Variants in SMC5 observed in about 807,000 individuals in gnomAD.
The protein encoded by SMC5 is structural maintenance of chromosomes protein 5.
Under a neutral mutation model 148.3 loss-of-function variants are expected in SMC5, and 88 were observed. That is an observed-to-expected ratio of 0.59 (90% confidence interval 0.50 to 0.71). The LOEUF (loss-of-function observed/expected upper bound fraction) is 0.71. Ranked by LOEUF, SMC5 falls within the 30% of genes least tolerant of loss-of-function variation. SMC5 has a pLI of 0.00. For synonymous variants in SMC5, 421 were observed against 432.8 expected (o/e 0.97, Z 0.34); for missense variants, 1,142 against 1,298.9 (o/e 0.88, Z 1.86).
At chr9:70,337,653 C>T (rs1002338663) in intron 17 of SMC5, among the ~76,000 whole-genome samples, 3 of 151,688 alleles carry the variant, frequency 2.0e-5, no homozygotes, top group South Asian at 2.1e-4. Context: ...TAGTAGAGAT[C>T]GTGTTTCACC....
Position 70,280,956 on chromosome 9 carries a change from T to C in SMC5, c.819+57T>C, listed in dbSNP as rs1042416779. ...GTTTCTTTAAGTAGCAGAGTAATTA[T>C]GATGAAAGTATTAGTTACTGTGTAT... On this transcript the variant is annotated intron_variant, in intron 6 of 24. Transcript: ENST00000361138. The C allele has an allele frequency of 3.8e-6, 6 of 1,581,852 alleles. No homozygotes were observed. The African/African-American group carries it at 4.1e-5, about 11-fold the overall frequency.
chr9:70,335,749 A>C (rs1208468621), intron 17 of SMC5, among the ~76,000 whole-genome samples: 1 of 152,200 alleles, frequency 6.6e-6, no homozygotes, highest in Admixed American at 6.5e-5. Flanking sequence ...ATTTGTCAGA[A>C]TTCATCAAGT....
chr9:70,295,340 G>A (rs531125239), intron 8 of SMC5, among the ~76,000 whole-genome samples: 6 of 151,820 alleles, frequency 4.0e-5, no homozygotes, highest in Admixed American at 6.6e-5. Context: ...GCGTGGTGGC[G>A]GGTGCCTGTA....
intron 1 of SMC5, among the ~76,000 whole-genome samples, chr9:70,262,092 C>T (rs541861582): frequency 3.9e-5 from 6 of 151,952 alleles, no homozygotes; most frequent in Non-Finnish European, 7.4e-5. Flanking sequence ...GAGAAAGATG[C>T]GCTTAGAGAA....
intron 17 of SMC5, among the ~76,000 whole-genome samples, chr9:70,330,342 G>A (rs1297356372): frequency 6.6e-6 from 1 of 151,908 alleles, no homozygotes; most frequent in Non-Finnish European, 1.5e-5. Flanking sequence ...CCAGACATTT[G>A]CCCCCTGGGG....
intron 15 of SMC5, among the ~76,000 whole-genome samples, chr9:70,321,845 A>G (rs2035955355): frequency 6.6e-6 from 1 of 152,226 alleles, no homozygotes; most frequent in South Asian, 2.1e-4. Context: ...GAAAAGGCAC[A>G]CGGTTTCCAG....
chr9:70,309,645 T>G (rs1317322945), intron 11 of SMC5, among the ~76,000 whole-genome samples: 1 of 152,170 alleles, frequency 6.6e-6, no homozygotes, highest in Non-Finnish European at 1.5e-5. Flanking sequence ...TATCATGAGA[T>G]TGCAGCAATT....
At chr9:70,318,033 A>G (rs1338555050) in intron 13 of SMC5, among the ~76,000 whole-genome samples, 7 of 152,142 alleles carry the variant, frequency 4.6e-5, no homozygotes, top group Admixed American at 4.6e-4. Flanking sequence ...GCGTAGAAGT[A>G]TAGCTGACTT....
At chr9:70,333,636 C>A (rs563076359) in intron 17 of SMC5, among the ~76,000 whole-genome samples, 4 of 152,234 alleles carry the variant, frequency 2.6e-5, no homozygotes, top group African/African-American at 9.6e-5. Context: ...GAGGCTGAGA[C>A]AGGAGGATCA....
At chr9:70,291,255 C>G (rs913031991) in intron 8 of SMC5, among the ~76,000 whole-genome samples, 2 of 152,150 alleles carry the variant, frequency 1.3e-5, no homozygotes, top group African/African-American at 4.8e-5. Context: ...GTTTCCCAGT[C>G]TTTGTTGAGG....
In SMC5 at chr9:70,312,677, A is replaced by T. The variant is rs74832876; in HGVS notation, c.1579-2065A>T. Among the ~76,000 whole-genome samples the T allele has an allele frequency of 6.7e-3, 1,019 of 152,318 alleles. 40 individuals are homozygous for T. The highest frequency in any genetic ancestry group is 0.053 in the Admixed American group (804 of 15,298). ...TTTTTTCAGATGGTTTCCTGCATCT[A>T]CTAAGATGATAATATGGGTTTTGCA... is the stretch of plus-strand genomic sequence containing the variant. On this transcript the variant is annotated intron_variant, in intron 11 of 24. Coordinates refer to ENST00000361138, the MANE Select transcript of SMC5 (RefSeq NM_015110.4).
At chr9:70,297,633 T>G (rs2035237235) in intron 8 of SMC5, among the ~76,000 whole-genome samples, 1 of 152,206 alleles carries the variant, frequency 6.6e-6, no homozygotes, top group African/African-American at 2.4e-5. Context: ...GTTTTAATTT[T>G]GGTCTTACGG....
intron 22 of SMC5, among the ~76,000 whole-genome samples, chr9:70,348,543 T>C (rs2036726403): frequency 6.6e-6 from 1 of 151,142 alleles, no homozygotes; most frequent in Non-Finnish European, 1.5e-5. Context: ...ATACAAAAAT[T>C]AGCTGGGTGC....
chr9:70,287,994 C>T (rs1249135226), intron 8 of SMC5, among the ~76,000 whole-genome samples: 1 of 152,118 alleles, frequency 6.6e-6, no homozygotes, highest in Non-Finnish European at 1.5e-5. Flanking sequence ...AGTGATCTCT[C>T]TTCCCTTTCT....
intron 15 of SMC5, 68 bp from the exon 16 acceptor site, chr9:70,323,415 G>GA: frequency 6.9e-7 from 1 of 1,456,464 alleles, no homozygotes; most frequent in East Asian, 2.4e-5. Context: ...AACTGGGGGG[G>GA]ACCTAAGAAT....
At chr9:70,308,525 G>A (rs1336015659) in intron 11 of SMC5, among the ~76,000 whole-genome samples, 1 of 147,756 alleles carries the variant, frequency 6.8e-6, no homozygotes, top group African/African-American at 2.5e-5. Flanking sequence ...AACCCTGGAG[G>A]CAGAGCTTGC....
In SMC5 at chr9:70,318,591, C is replaced by G. The variant is rs761764905; in HGVS notation, c.1884C>G (p.Asn628Lys). ...TGGTGAAAACTTCTTTTTATTCAAA[C>G]AAAGTTATTTCTAGTAACACATCTC... Reference protein sequence around the residue: ...KYVVKTSFYSNKVISSNTSLK... With the variant: ...KYVVKTSFYSKKVISSNTSLK... Residue 628 changes from asparagine (N) to lysine (K), a missense_variant, in exon 14 of 25, where the codon AAC becomes AAG. Physicochemically the swap from Asn to Lys is moderately conservative, Grantham distance 94 (BLOSUM62 0). Transcript: ENST00000361138. The G allele has an allele frequency of 3.1e-6, 5 of 1,612,316 alleles. No homozygotes were observed. The South Asian group carries it at 5.5e-5, about 18-fold the overall frequency.
chr9:70,259,177 G>A lies in SMC5; in HGVS notation c.99G>A (p.Lys33=), dbSNP rs772147511. ...CGTCGGAGGTCCCGAGCAAGAGGAA[G>A]AATTCGGCCCCGCAGCTGCCGCTGT... is the stretch of plus-strand genomic sequence containing the variant. ...DPSSEVPSKR[K]NSAPQLPLLQ... is the part of the protein sequence containing the mutation. Residue 33 remains lysine, a synonymous_variant, in exon 1 of 25, where the codon AAG becomes AAA. Coordinates refer to ENST00000361138, the MANE Select transcript of SMC5 (RefSeq NM_015110.4). 1 of 1,610,934 alleles carries A rather than the reference G, an allele frequency of 6.2e-7. No individual in the cohort carries two copies. The highest frequency in any genetic ancestry group is 1.1e-5 in the South Asian group (1 of 90,424).
intron 3 of SMC5, among the ~76,000 whole-genome samples, chr9:70,270,396 T>C (rs2034414471): frequency 6.6e-6 from 1 of 152,170 alleles, no homozygotes; most frequent in Non-Finnish European, 1.5e-5. Flanking sequence ...GGGAATTTTA[T>C]GGAGGCTTCA....
Sources: gnomAD v4.1 joint callset for allele counts (sites outside exome capture counted in the v4.1 genomes callset) on GRCh38, gnomAD v4.1.1 for gene constraint, MANE v1.5 for transcripts, NCBI Gene and HGNC (gene_info 2026-07-23, HGNC 2026-07-21) for gene names.